FMN1: variants seen among roughly 807,000 people sequenced by gnomAD.
FMN1 encodes the protein formin-1.
In FMN1, 110 loss-of-function variants were observed where a neutral mutation model predicts 132.4. The ratio of observed to expected loss-of-function variants is 0.83; its 90% CI spans 0.71 to 0.97. The LOEUF (loss-of-function observed/expected upper bound fraction) is 0.97, where lower values mean the gene tolerates loss of function less well. Among genes scored for constraint, FMN1 ranks in the 50% least tolerant of loss-of-function variants. The probability of loss-of-function intolerance (pLI) is 0.00; values close to 1 mark genes in which losing one functional copy is unlikely to be tolerated. For missense variants in FMN1, 1,792 were observed against 1,705.3 expected (o/e 1.05, Z -0.90); for synonymous variants, 722 against 651.7 (o/e 1.11, Z -1.64).
intron 4 of FMN1, among the ~76,000 whole-genome samples, chr15:33,110,555 G>C (rs760994287): frequency 1.3e-5 from 2 of 151,916 alleles, no homozygotes; most frequent in Non-Finnish European, 2.9e-5. Context: ...TAACCAAGGA[G>C]AGCATTTTTT....
chr15:32,906,014 TA>T (rs2060416138), intron 12 of FMN1, among the ~76,000 whole-genome samples: 1 of 152,220 alleles, frequency 6.6e-6, no homozygotes, highest in South Asian at 2.1e-4. Context: ...TGACCATTTA[TA>T]AACATTAAAA....
chr15:33,020,260 A>G (rs1038854913), intron 6 of FMN1, among the ~76,000 whole-genome samples: 11 of 152,118 alleles, frequency 7.2e-5, no homozygotes, highest in African/African-American at 2.4e-4. Context: ...CAGTGTCACT[A>G]TTGAATTGGG....
chr15:33,130,044 C>T (rs188914712), intron 4 of FMN1, among the ~76,000 whole-genome samples: 1 of 152,218 alleles, frequency 6.6e-6, no homozygotes, highest in East Asian at 1.9e-4. Context: ...CCTTGGTGAT[C>T]CACCTCGTGA....
At position 32,845,026 on chromosome 15, in the gene FMN1, C is replaced by A. The variant is rs143311961; in HGVS notation, c.3928+11989G>T. On this transcript the variant is annotated intron_variant, in intron 17 of 20. Coordinates refer to ENST00000616417, the MANE Select transcript of FMN1 (RefSeq NM_001277313.2). ...TCTTTCCAGAATTGGACATTGTCTG[C>A]GAAACTATGTATTATATAACATGTA... 7.4e-3 allele frequency among the ~76,000 whole-genome samples: 1,129 copies of A among 152,266 alleles called. 13 individuals are homozygous for A. Among genetic ancestry groups the A allele is most frequent in the South Asian group, 0.031 (151 of 4,826 alleles).
chr15:32,883,351 A>G (rs1183979491), intron 16 of FMN1, among the ~76,000 whole-genome samples: 1 of 151,758 alleles, frequency 6.6e-6, no homozygotes, highest in African/African-American at 2.4e-5. Context: ...AAAAAATACA[A>G]TTTACAAAAT....
chr15:33,005,898 C>T (rs555344236), intron 7 of FMN1, among the ~76,000 whole-genome samples: 5 of 152,226 alleles, frequency 3.3e-5, no homozygotes, highest in African/African-American at 1.2e-4. Flanking sequence ...TAAGGGCCTC[C>T]CTCCTCTCCT....
At chr15:32,922,442 A>G (rs766797296) in intron 10 of FMN1, among the ~76,000 whole-genome samples, 3 of 152,248 alleles carry the variant, frequency 2.0e-5, no homozygotes, top group Non-Finnish European at 4.4e-5. Flanking sequence ...TGGCAAAGAA[A>G]TGCATAAAGG....
At chr15:32,846,423 A>G (rs1037236468) in intron 17 of FMN1, among the ~76,000 whole-genome samples, 1 of 152,176 alleles carries the variant, frequency 6.6e-6, no homozygotes, top group Non-Finnish European at 1.5e-5. Context: ...ATGAACAAAC[A>G]CTTCTCAAGA....
intron 5 of FMN1, among the ~76,000 whole-genome samples, chr15:33,069,802 T>C (rs950552127): frequency 6.6e-6 from 1 of 152,158 alleles, no homozygotes; most frequent in Non-Finnish European, 1.5e-5. Context: ...ATAGTATTTT[T>C]GGGAATTATT....
chr15:32,926,237 G>A lies in FMN1; in HGVS notation c.3163C>T (p.Arg1055Ter), dbSNP rs1456612130. 5.3e-6 allele frequency: 8 copies of A among 1,505,098 alleles called. No homozygotes were observed. Among genetic ancestry groups the A allele is most frequent in the African/African-American group, 1.4e-5 (1 of 69,430 alleles). 93.2% of individuals were successfully genotyped at this position (1,505,098 alleles called of 1,614,324 possible). ...KKIIKLLDGK[R>*]SQTVGILISS... ...ATCAAGATTCCCACAGTTTGAGATC[G>A]TTTTCCATCCAACAATTTGATGATC... Residue 1055 changes from arginine to a stop codon, truncating the protein, a stop_gained, in exon 10 of 21, where the codon CGA (arginine) becomes TGA (stop). Coordinates refer to ENST00000616417, the MANE Select transcript of FMN1 (RefSeq NM_001277313.2). LOFTEE classifies it high-confidence loss of function.
intron 5 of FMN1, among the ~76,000 whole-genome samples, 180 bp downstream of exon 5, chr15:33,088,619 A>G (rs995421396): frequency 1.3e-5 from 2 of 152,228 alleles, no homozygotes; most frequent in African/African-American, 2.4e-5. Context: ...GTTACTTTCT[A>G]GTGTACAAAT....
chr15:32,774,605 G>A (rs1030766468), intron 20 of FMN1, among the ~76,000 whole-genome samples: 8 of 151,976 alleles, frequency 5.3e-5, no homozygotes, highest in African/African-American at 1.2e-4. Flanking sequence ...TCTAAAACAC[G>A]GGCCTTTACC....
At position 33,017,113 on chromosome 15, in the gene FMN1, G is replaced by A. The variant is rs76626457; in HGVS notation, c.2162-9038C>T. ...CTGCCTCTTCAAAAAGGATGAGGCC[G>A]TACCCTAGAACTTAAAGCATAATTT... On this transcript the variant is annotated intron_variant, in intron 6 of 20. Coordinates refer to ENST00000616417, the MANE Select transcript of FMN1 (RefSeq NM_001277313.2). Among the ~76,000 whole-genome samples, 315 of 150,970 alleles carry A rather than the reference G, an allele frequency of 2.1e-3. 7 individuals are homozygous for A. The East Asian group carries it at 0.058, about 28-fold the overall frequency.
intron 17 of FMN1, among the ~76,000 whole-genome samples, chr15:32,836,327 G>A (rs1162964537): frequency 2.6e-5 from 4 of 152,154 alleles, no homozygotes; most frequent in Admixed American, 6.5e-5. Context: ...CCAACTGCAT[G>A]GCGGTTTGGG....
At chr15:33,026,003 T>C (rs1489336629) in intron 6 of FMN1, among the ~76,000 whole-genome samples, 1 of 152,034 alleles carries the variant, frequency 6.6e-6, no homozygotes, top group East Asian at 1.9e-4. Context: ...GAGATAAAAC[T>C]GGTAATGTTT....
At chr15:32,895,109 C>A (rs889812339) in intron 15 of FMN1, among the ~76,000 whole-genome samples, 1 of 151,938 alleles carries the variant, frequency 6.6e-6, no homozygotes. Flanking sequence ...GTCATTAAAT[C>A]CTTAGTTGTT....
Position 33,016,972 on chromosome 15 carries a change from G to A in FMN1, c.2162-8897C>T, listed in dbSNP as rs559071015. Among the ~76,000 whole-genome samples, 46 of 152,260 alleles carry A rather than the reference G, an allele frequency of 3.0e-4. 2 individuals carry two copies. The South Asian group carries it at 6.8e-3, about 23-fold the overall frequency. On this transcript the variant is annotated intron_variant, in intron 6 of 20. Transcript: ENST00000616417. ...GAGGCCTGTCTCGCTTTCCCCAGAG[G>A]TCTCCTTATGTGAATAATAAATCTT...
intron 19 of FMN1, among the ~76,000 whole-genome samples, chr15:32,791,451 T>G (rs1477340896): frequency 6.6e-6 from 1 of 152,156 alleles, no homozygotes; most frequent in Admixed American, 6.5e-5. Flanking sequence ...TATCTTTCCT[T>G]TATTTCATGA....
chr15:32,768,773 T>C lies in FMN1; in HGVS notation c.*5537A>G, dbSNP rs1373880691. The stretch of plus-strand genomic sequence containing the variant: ...AGGAGACTAGAGATTCTCAGTATAT[T>C]TAAGAGAAGATTTAAAAATAGAAAA... On this transcript the variant is annotated 3_prime_UTR_variant, in exon 21 of 21. Coordinates refer to ENST00000616417, the MANE Select transcript of FMN1 (RefSeq NM_001277313.2). The C allele has an allele frequency of 6.8e-6, 1 of 148,078 alleles. No homozygotes were observed. The highest frequency in any genetic ancestry group is 2.5e-5 in the African/African-American group (1 of 39,976). 9.2% of individuals were successfully genotyped at this position (148,078 alleles called of 1,614,324 possible).
Sources: allele counts gnomAD v4.1 joint callset (sites outside exome capture counted in the v4.1 genomes callset), GRCh38; gene constraint gnomAD v4.1.1; transcripts MANE v1.5; gene names NCBI Gene and HGNC (gene_info 2026-07-23, HGNC 2026-07-21).